Variants in P4HA1 observed in about 807,000 individuals in gnomAD.
The protein encoded by P4HA1 is prolyl 4-hydroxylase subunit alpha-1.
Under a neutral mutation model 72.8 loss-of-function variants are expected in P4HA1, and 24 were observed. The ratio of observed to expected loss-of-function variants is 0.33; its 90% CI spans 0.24 to 0.46. P4HA1 has a LOEUF of 0.46. Among genes scored for constraint, P4HA1 ranks in the 20% least tolerant of loss-of-function variants. The pLI is 1.00. For missense variants in P4HA1, 446 were observed against 640.6 expected, an observed-to-expected ratio of 0.70 and a Z score of 3.28; for synonymous variants, 201 against 218.8, an observed-to-expected ratio of 0.92 and a Z score of 0.72.
chr10:73,056,201 A>G (rs1374627431), intron 5 of P4HA1, among the ~76,000 whole-genome samples: 3 of 152,264 alleles, frequency 2.0e-5, no homozygotes, highest in Non-Finnish European at 4.4e-5. Flanking sequence ...AAAAACTGTA[A>G]TAAGCTAAAA....
intron 7 of P4HA1, among the ~76,000 whole-genome samples, chr10:73,049,643 T>C (rs1840965988): frequency 1.3e-5 from 2 of 152,230 alleles, no homozygotes; most frequent in African/African-American, 4.8e-5. Context: ...TTCTGAGTTA[T>C]AAATACATAT....
At chr10:73,021,029 G>A (rs1287257817) in intron 10 of P4HA1, among the ~76,000 whole-genome samples, 1 of 152,176 alleles carries the variant, frequency 6.6e-6, no homozygotes, top group Non-Finnish European at 1.5e-5. Flanking sequence ...CAGTTACACA[G>A]GAGGCTGAGG....
At chr10:73,055,737 C>T (rs1229835026) in intron 5 of P4HA1, among the ~76,000 whole-genome samples, 2 of 152,166 alleles carry the variant, frequency 1.3e-5, no homozygotes, top group Non-Finnish European at 2.9e-5. Context: ...TCAGAAAATA[C>T]TTAGTCTCAT....
chr10:73,090,869 C>A (rs531756355), intron 1 of P4HA1, among the ~76,000 whole-genome samples: 2 of 151,608 alleles, frequency 1.3e-5, no homozygotes, highest in South Asian at 2.1e-4. Flanking sequence ...GAGACCCGCC[C>A]GGCCAAGATG....
intron 6 of P4HA1, 55 bp downstream of exon 6, chr10:73,053,296 A>G: frequency 6.6e-7 from 1 of 1,509,814 alleles, no homozygotes. Context: ...AGAAAAATAG[A>G]GAATATATAT....
chr10:73,014,831 CTT>C (rs761513290), intron 11 of P4HA1, among the ~76,000 whole-genome samples: 52 of 139,698 alleles, frequency 3.7e-4, no homozygotes, highest in African/African-American at 8.7e-4. Context: ...TTTCTTTTTT[CTT>C]TTTTTTTTTT....
chr10:73,052,459 T>C (rs960860546), intron 6 of P4HA1, among the ~76,000 whole-genome samples: 1 of 152,134 alleles, frequency 6.6e-6, no homozygotes, highest in African/African-American at 2.4e-5. Flanking sequence ...GTGACTGGCT[T>C]ATAGATGACT....
intron 1 of P4HA1, among the ~76,000 whole-genome samples, chr10:73,079,651 A>C (rs1241525599): frequency 6.6e-6 from 1 of 152,114 alleles, no homozygotes; most frequent in African/African-American, 2.4e-5. Flanking sequence ...CTGGGGCAGG[A>C]GAATCGCTTG....
intron 10 of P4HA1, among the ~76,000 whole-genome samples, chr10:73,027,609 G>A (rs1258079639): frequency 8.1e-6 from 1 of 122,978 alleles, no homozygotes; most frequent in African/African-American, 3.1e-5. Context: ...AAAAAAAAAG[G>A]GAAGGAAGGA....
At chr10:73,018,814 T>C (rs573132167) in intron 10 of P4HA1, among the ~76,000 whole-genome samples, 2 of 152,152 alleles carry the variant, frequency 1.3e-5, no homozygotes, top group Admixed American at 1.3e-4. Flanking sequence ...AGCTACAACC[T>C]GACACTCTTT....
At position 73,008,053 on chromosome 10, in the gene P4HA1, A is replaced by G; in HGVS notation, c.*169T>C. The G allele has an allele frequency of 2.6e-6, 1 of 379,670 alleles. No homozygotes were observed. The highest frequency in any genetic ancestry group is 4.6e-6 in the Non-Finnish European group (1 of 217,868). The allele number at this position is 379,670 out of a possible 1,614,324, so 23.5% of individuals were successfully genotyped here. Reference sequence around the variant, plus strand: ...ATGATGATTTCGTGTTACTTTTAAAAGAACCCACAAAGTAAGCAATTGTCC... The same window carrying G: ...ATGATGATTTCGTGTTACTTTTAAAGGAACCCACAAAGTAAGCAATTGTCC... On this transcript the variant is annotated 3_prime_UTR_variant, in exon 15 of 15. Coordinates refer to ENST00000394890, the MANE Select transcript of P4HA1 (RefSeq NM_001017962.3).
At chr10:73,021,582 C>T (rs1564620208) in intron 10 of P4HA1, among the ~76,000 whole-genome samples, 1 of 152,178 alleles carries the variant, frequency 6.6e-6, no homozygotes, top group African/African-American at 2.4e-5. Context: ...TTCTCACTCA[C>T]ATGTGGGATT....
At chr10:73,077,303 TTTAACTC>T (rs1841719897) in intron 1 of P4HA1, among the ~76,000 whole-genome samples, 1 of 152,248 alleles carries the variant, frequency 6.6e-6, no homozygotes, top group Non-Finnish European at 1.5e-5. Flanking sequence ...TGTCTAAACT[TTTAACTC>T]TGATAAGAGA....
At chr10:73,036,302 T>C (rs771518596) in intron 9 of P4HA1, among the ~76,000 whole-genome samples, 36 of 152,154 alleles carry the variant, frequency 2.4e-4, no homozygotes, top group Admixed American at 6.6e-4. Context: ...TGTAGTTCTG[T>C]TGTAGTCACT....
chr10:73,013,576 CGTT>C (rs1839953515), intron 12 of P4HA1, among the ~76,000 whole-genome samples: 1 of 152,160 alleles, frequency 6.6e-6, no homozygotes, highest in Admixed American at 6.5e-5. Flanking sequence ...TTAAGAAAAT[CGTT>C]GTTATTTTAA....
At chr10:73,009,663 T>C in intron 14 of P4HA1, 144 bp downstream of exon 14, 1 of 499,918 alleles carries the variant, frequency 2.0e-6, no homozygotes, top group Non-Finnish European at 3.6e-6. Context: ...TGTATTATGA[T>C]TAGGCACTTG....
At chr10:73,022,516 G>C (rs188601552) in intron 10 of P4HA1, among the ~76,000 whole-genome samples, 4 of 152,266 alleles carry the variant, frequency 2.6e-5, no homozygotes, top group Admixed American at 2.6e-4. Flanking sequence ...GCCAAAGGTA[G>C]ACAAAACCAC....
At chr10:73,064,177 T>C (rs1841370569) in intron 5 of P4HA1, among the ~76,000 whole-genome samples, 1 of 152,040 alleles carries the variant, frequency 6.6e-6, no homozygotes, top group Non-Finnish European at 1.5e-5. Flanking sequence ...ATAGAAACTA[T>C]AATATCAGGC....
chr10:73,059,071 C>A (rs1347329009), intron 5 of P4HA1, among the ~76,000 whole-genome samples: 1 of 151,958 alleles, frequency 6.6e-6, no homozygotes, highest in South Asian at 2.1e-4. Flanking sequence ...AGCCACCACG[C>A]CCAGCCAGTA....
Sources: allele counts gnomAD v4.1 joint callset (sites outside exome capture counted in the v4.1 genomes callset), GRCh38; gene constraint gnomAD v4.1.1; transcripts MANE v1.5; gene names NCBI Gene and HGNC (gene_info 2026-07-23, HGNC 2026-07-21).